The following RMDN2 variants were observed in gnomAD, a reference collection of about 807,000 sequenced individuals.
RMDN2 encodes the protein regulator of microtubule dynamics protein 2.
A neutral mutation model predicts 52.8 loss-of-function variants in RMDN2; 61 were observed. The observed-to-expected ratio is 1.16, with a 90% CI of 0.94 to 1.43. The LOEUF (loss-of-function observed/expected upper bound fraction) is 1.43, where lower values mean the gene tolerates loss of function less well. RMDN2 is among the 40% of genes most tolerant of loss of function. RMDN2 has a pLI of 0.00. For synonymous variants in RMDN2, 180 were observed against 153.1 expected, an observed-to-expected ratio of 1.18 and a Z score of -1.30; for missense variants, 592 against 475.3, an observed-to-expected ratio of 1.25 and a Z score of -2.28.
At chr2:37,929,851 G>A in intron 2 of RMDN2, 122 bp downstream of exon 2, 1 of 646,618 alleles carries the variant, frequency 1.5e-6, no homozygotes, top group Non-Finnish European at 2.5e-6. Context: ...GAAAAGGAGT[G>A]ATATTTTGAC....
chr2:38,014,335 G>C (rs1678439999), intron 10 of RMDN2, among the ~76,000 whole-genome samples: 1 of 152,084 alleles, frequency 6.6e-6, no homozygotes, highest in Non-Finnish European at 1.5e-5. Context: ...CTACTCTTTT[G>C]ACTCTTACCT....
chr2:37,963,588 A>G (rs1016529550), intron 2 of RMDN2, among the ~76,000 whole-genome samples: 35 of 152,144 alleles, frequency 2.3e-4, no homozygotes, highest in African/African-American at 5.3e-4. Flanking sequence ...AATCCATTTA[A>G]CCCTGAGTGG....
chr2:38,059,929 G>A (rs954888215), intron 10 of RMDN2, among the ~76,000 whole-genome samples: 3 of 151,830 alleles, frequency 2.0e-5, no homozygotes, highest in African/African-American at 4.8e-5. Context: ...ACGGAGTCTC[G>A]CTCTGTCACC....
rs1678184721 is a variant in RMDN2, at chr2:38,012,734, G to GT, written c.1180-4446dup. The GT allele has an allele frequency of 8.6e-6, 3 of 346,974 alleles. No homozygotes were observed. In the Admixed American group the frequency reaches 1.4e-4, roughly 16 times the overall value. The allele number at this position is 346,974 out of a possible 1,614,324, so 21.5% of individuals were successfully genotyped here. On this transcript the variant is annotated intron_variant, in intron 10 of 10. Transcript: ENST00000354545. ...TGTAATACCCCTCCATCTCTATAAA[G>GT]TTTTTTCAGATTGAAATATACCCCA...
chr2:38,003,854 A>G (rs1295584100), intron 8 of RMDN2, 137 bp from the exon 9 acceptor site: 5 of 682,466 alleles, frequency 7.3e-6, no homozygotes, highest in Admixed American at 4.6e-5. Context: ...AGTGATTCAA[A>G]TGTGAAACAA....
chr2:38,027,093 A>G (rs1417475096), intron 10 of RMDN2: 1 of 152,214 alleles, frequency 6.6e-6, no homozygotes, highest in Non-Finnish European at 1.5e-5. Flanking sequence ...CTGAAACAGC[A>G]TGCATATTCT....
chr2:37,939,528 G>A (rs781008440), intron 2 of RMDN2, among the ~76,000 whole-genome samples: 26 of 152,158 alleles, frequency 1.7e-4, no homozygotes, highest in Non-Finnish European at 3.5e-4. Context: ...GGGAGTCTAA[G>A]TCTCTTTGTA....
chr2:38,050,857 C>G (rs184247821), intron 10 of RMDN2, among the ~76,000 whole-genome samples: 6 of 152,302 alleles, frequency 3.9e-5, no homozygotes, highest in Non-Finnish European at 7.4e-5. Flanking sequence ...CTCCGGAGTT[C>G]AAGCAGTTCT....
intron 2 of RMDN2, among the ~76,000 whole-genome samples, chr2:37,937,896 G>C (rs1199015448): frequency 1.3e-5 from 2 of 152,142 alleles, no homozygotes; most frequent in Non-Finnish European, 1.5e-5. Flanking sequence ...TCTCTTTCCT[G>C]ATTGCTCTGG....
At chr2:38,039,499 G>A (rs892316080) in intron 10 of RMDN2, among the ~76,000 whole-genome samples, 2 of 152,104 alleles carry the variant, frequency 1.3e-5, no homozygotes, top group Non-Finnish European at 2.9e-5. Context: ...AATACAAAAG[G>A]TTTACATCAT....
At chr2:38,006,292 T>C (rs138762715) in intron 10 of RMDN2, among the ~76,000 whole-genome samples, 1 of 151,746 alleles carries the variant, frequency 6.6e-6, no homozygotes, top group Non-Finnish European at 1.5e-5. Context: ...ATTACCTTGG[T>C]CAGTATGGCC....
chr2:38,062,049 A>G (rs1233788591), intron 10 of RMDN2, among the ~76,000 whole-genome samples: 1 of 152,214 alleles, frequency 6.6e-6, no homozygotes, highest in Non-Finnish European at 1.5e-5. Context: ...CTACCTGCCA[A>G]TGTCAGTTCA....
intron 2 of RMDN2, among the ~76,000 whole-genome samples, chr2:37,971,296 G>C: frequency 6.6e-6 from 1 of 151,726 alleles, no homozygotes; most frequent in East Asian, 1.9e-4. Context: ...TTTTGCATTT[G>C]CTTATCCATT....
intron 8 of RMDN2, among the ~76,000 whole-genome samples, chr2:37,999,058 C>G (rs1267382186): frequency 6.6e-6 from 1 of 152,194 alleles, no homozygotes; most frequent in African/African-American, 2.4e-5. Flanking sequence ...CTCATTTCCT[C>G]ATAATATCAA....
intron 10 of RMDN2, among the ~76,000 whole-genome samples, chr2:38,032,376 A>T (rs562673258): frequency 2.0e-4 from 30 of 152,280 alleles, no homozygotes; most frequent in African/African-American, 7.0e-4. Context: ...GTCTGTCTCC[A>T]TTTGCTGAAC....
Position 37,981,500 on chromosome 2 carries a change from T to C in RMDN2, c.791+157T>C, listed in dbSNP as rs145296816. Among the ~76,000 whole-genome samples, 44 of 152,374 alleles carry C rather than the reference T, an allele frequency of 2.9e-4. No homozygotes were observed. The East Asian group carries it at 8.1e-3, about 28-fold the overall frequency. On this transcript the variant is annotated intron_variant, in intron 5 of 10. Transcript: ENST00000354545. Reference sequence around the variant, plus strand: ...GCACAGTAACTGTTCTTATTCTGTTTATTCACATTTTTATTATGCAGCCTT... The same window carrying C: ...GCACAGTAACTGTTCTTATTCTGTTCATTCACATTTTTATTATGCAGCCTT...
rs185868433 is a variant in RMDN2, at chr2:38,066,840, T to C, written c.1714-142T>C. ...TCCTGACATTTCCAAGATCCTACTG[T>C]CATACATCTGGAAAACTAGTGAGTA... is the stretch of plus-strand genomic sequence containing the variant. On this transcript the variant is annotated intron_variant, in intron 10 of 10. Transcript: ENST00000234195. 2.2e-5 allele frequency: 15 copies of C among 681,948 alleles called. No homozygotes were observed. In the Admixed American group the frequency reaches 2.8e-4, roughly 13 times the overall value. The allele number at this position is 681,948 out of a possible 1,614,324, so 42.2% of individuals were successfully genotyped here. A position where few individuals can be genotyped will look rare whatever the true frequency, so the allele number is the denominator to read the frequency against.
In RMDN2 at chr2:37,999,244, C is replaced by A. The variant is rs78528756; in HGVS notation, c.1044+1730C>A. Among the ~76,000 whole-genome samples, 138 of 152,232 alleles carry A rather than the reference C, an allele frequency of 9.1e-4. 2 individuals are homozygous for A. The East Asian group carries it at 0.023, about 25-fold the overall frequency. On this transcript the variant is annotated intron_variant, in intron 8 of 10. Transcript: ENST00000354545. ...GTTAAATCTCAGCTCTACCACTTAC[C>A]AGCTGATTAACACTGCGCAAATTGC...
intron 2 of RMDN2, among the ~76,000 whole-genome samples, chr2:37,957,757 C>A (rs187087357): frequency 1.1e-4 from 17 of 152,256 alleles, no homozygotes; most frequent in African/African-American, 3.6e-4. Context: ...AGGTTTTCTT[C>A]TAGGGTTTTT....
Sources: gnomAD v4.1 joint callset for allele counts (sites outside exome capture counted in the v4.1 genomes callset) on GRCh38, gnomAD v4.1.1 for gene constraint, MANE v1.5 for transcripts, NCBI Gene and HGNC (gene_info 2026-07-23, HGNC 2026-07-21) for gene names.